Variants in NTRK1 observed in about 807,000 individuals in gnomAD.
NTRK1 encodes the protein high affinity nerve growth factor receptor.
In NTRK1, 62 loss-of-function variants were observed where a neutral mutation model predicts 86.8. That is an observed-to-expected ratio of 0.71 (90% confidence interval 0.58 to 0.88). NTRK1 has a LOEUF of 0.88. NTRK1 is among the 40% of genes least tolerant of loss of function. The pLI, the probability that NTRK1 is intolerant of heterozygous loss-of-function variation, is 0.00. For synonymous variants in NTRK1, 469 were observed against 456.6 expected, an observed-to-expected ratio of 1.03 and a Z score of -0.35; for missense variants, 967 against 1,078.4, an observed-to-expected ratio of 0.90 and a Z score of 1.45.
chr1:156,845,277 G>A (rs1654951561), intron 2 of NTRK1: 6 of 1,612,478 alleles, frequency 3.7e-6, no homozygotes, highest in Middle Eastern at 1.6e-4. Context: ...CCAGCTGCCC[G>A]GCGGTGCCGC....
At chr1:156,879,473 T>C (rs1648123499) in intron 15 of NTRK1, 111 bp downstream of exon 15, 1 of 1,395,376 alleles carries the variant, frequency 7.2e-7, no homozygotes, top group Non-Finnish European at 9.7e-7. Context: ...GGGTCTGAGA[T>C]TCACTGGCTC....
At chr1:156,875,070 C>A (rs1315786161) in intron 11 of NTRK1, 62 bp downstream of exon 11, 2 of 1,175,312 alleles carry the variant, frequency 1.7e-6, no homozygotes, top group Non-Finnish European at 2.6e-6. Flanking sequence ...TTCCTACTGG[C>A]TCTTCCTGAC....
At chr1:156,844,014 C>T (rs1411276436) in intron 2 of NTRK1, among the ~76,000 whole-genome samples, 1 of 152,000 alleles carries the variant, frequency 6.6e-6, no homozygotes, top group Non-Finnish European at 1.5e-5. Context: ...AGTTGGTCAC[C>T]CTAACTGAGA....
intron 1 of NTRK1, chr1:156,840,330 G>A: frequency 6.2e-6 from 1 of 161,924 alleles, no homozygotes; most frequent in Non-Finnish European, 1.4e-5. Context: ...GGGCAGGCTG[G>A]GAACCACTCC....
chr1:156,877,921 TGGA>T (rs2102922128), intron 14 of NTRK1, among the ~76,000 whole-genome samples: 1 of 152,170 alleles, frequency 6.6e-6, no homozygotes, highest in East Asian at 1.9e-4. Flanking sequence ...AGGTTGAGTG[TGGA>T]GGAGGATAGG....
chr1:156,815,818 G>A (rs1653850582), exon 1 of NTRK1: 1 of 1,614,142 alleles, frequency 6.2e-7, no homozygotes, highest in South Asian at 1.1e-5. Context: ...GAGTGAGTGG[G>A]CAACTCGGCG....
rs2102919832 is a variant in NTRK1, at chr1:156,876,525, C to T, written c.1758C>T (p.Leu586=). The change falls in exon 14 of 17, where the codon CTC becomes CTT. Residue 586 remains leucine (L), a synonymous_variant. Transcript: ENST00000524377. ...FGVCTEGRPL[L]MVFEYMRHGD... is the part of the protein sequence containing the mutation. ...TCTGCACCGAGGGCCGCCCCCTGCTCATGGTCTTTGAGTATATGCGGCACG... is the reference window on the plus strand; with the variant it reads ...TCTGCACCGAGGGCCGCCCCCTGCTTATGGTCTTTGAGTATATGCGGCACG... 6 of 1,613,562 alleles carry T rather than the reference C, an allele frequency of 3.7e-6. No individual in the cohort carries two copies. Among genetic ancestry groups the T allele is most frequent in the Non-Finnish European group, 4.2e-6 (5 of 1,179,996 alleles).
chr1:156,872,455 T>C (rs1291592251), intron 7 of NTRK1, among the ~76,000 whole-genome samples: 2 of 152,160 alleles, frequency 1.3e-5, no homozygotes, highest in Non-Finnish European at 2.9e-5. Flanking sequence ...AATGGAATCA[T>C]ACTGCGTGTA....
In NTRK1 at chr1:156,881,679, T is replaced by C. The variant is rs777007163; in HGVS notation, c.*37T>C. 6.4e-7 allele frequency: 1 copy of C among 1,566,472 alleles called. No individual in the cohort carries two copies. The highest frequency in any genetic ancestry group is 8.7e-7 in the Non-Finnish European group (1 of 1,154,908). The stretch of plus-strand genomic sequence containing the variant: ...AGGGGCTGGGAGTGGTTAGCCGGAA[T>C]ACTGGGGCCTGCCCTCAGCATCCCC... On this transcript the variant is annotated 3_prime_UTR_variant, in exon 17 of 17. Coordinates refer to ENST00000524377, the MANE Select transcript of NTRK1 (RefSeq NM_002529.4).
chr1:156,856,134 A>G (rs1211079400), upstream of NTRK1, among the ~76,000 whole-genome samples: 3 of 152,130 alleles, frequency 2.0e-5, no homozygotes, highest in Non-Finnish European at 4.4e-5. Context: ...ACACTGGCTA[A>G]AATATAATTT....
intron 2 of NTRK1, chr1:156,844,467 C>G (rs772502532): frequency 6.2e-7 from 1 of 1,613,104 alleles, no homozygotes; most frequent in African/African-American, 1.3e-5. Flanking sequence ...TATACCTGGG[C>G]CAAGGATGTA....
intron 1 of NTRK1, chr1:156,841,993 G>A: frequency 6.4e-7 from 1 of 1,564,608 alleles, no homozygotes. Context: ...ACAGGGTGGG[G>A]GTGACTTGCC....
chr1:156,858,528 G>A, upstream of NTRK1: 1 of 1,612,104 alleles, frequency 6.2e-7, no homozygotes, highest in Non-Finnish European at 8.5e-7. Flanking sequence ...GCCAGTTCTG[G>A]GGACTCACCC....
At chr1:156,830,642 C>T (rs1024394068) in intron 1 of NTRK1, among the ~76,000 whole-genome samples, 6 of 151,456 alleles carry the variant, frequency 4.0e-5, no homozygotes, top group East Asian at 1.9e-4. Flanking sequence ...CTGCAACCTC[C>T]GCCTCCAGTT....
In NTRK1 at chr1:156,868,189, G is replaced by A. The variant is rs267598081; in HGVS notation, c.514G>A (p.Glu172Lys). The A allele has an allele frequency of 1.2e-6, 2 of 1,613,530 alleles. No homozygotes were observed. The highest frequency in any genetic ancestry group is 1.3e-5 in the African/African-American group (1 of 75,074). The change falls in exon 5 of 17, where the codon GAA becomes AAA. Residue 172 changes from glutamate to lysine, a missense_variant. By Grantham distance (56) the Glu-to-Lys change is moderately conservative (BLOSUM62 1). This residue lies in a region of NTRK1 where 330 missense variants were observed against 302.0 expected (regional missense o/e 1.09). Transcript: ENST00000524377. ...WEEEGLGGVP[E>K]QKLQCHGQGP... is the part of the protein sequence containing the mutation. ...GGAGGAGGGACTGGGCGGAGTGCCT[G>A]AACAGAAGCTGCAGTGTCATGGGCA...
At chr1:156,857,157 C>CTGTGTGTG (rs1327364524), upstream of NTRK1, among the ~76,000 whole-genome samples, 1 of 121,286 alleles carries the variant, frequency 8.2e-6, no homozygotes, top group African/African-American at 3.3e-5. Context: ...TGCCCAGCAG[C>CTGTGTGTG]TGTGTATGTG....
At chr1:156,870,438 C>G (rs1290773883) in intron 6 of NTRK1, among the ~76,000 whole-genome samples, 1 of 152,120 alleles carries the variant, frequency 6.6e-6, no homozygotes, top group Non-Finnish European at 1.5e-5. Flanking sequence ...GCTGCTCTCC[C>G]TCAGTTAGGA....
At position 156,844,675 on chromosome 1, in the gene NTRK1, G is replaced by A. The variant is rs771901290; in HGVS notation, c.50+2482G>A. On this transcript the variant is annotated intron_variant, in intron 2 of 16. Coordinates refer to the NTRK1 transcript ENST00000392302. ...TGGGAAGGCGATGTAGGCACAAAACGGGGCTGGGACGGGGGTCCCACGGGC... is the reference window on the plus strand; with the variant it reads ...TGGGAAGGCGATGTAGGCACAAAACAGGGCTGGGACGGGGGTCCCACGGGC... 10 of 1,613,984 alleles carry A rather than the reference G, an allele frequency of 6.2e-6. No homozygotes were observed. In the South Asian group the frequency reaches 6.6e-5, roughly 11 times the overall value.
Position 156,868,101 on chromosome 1 carries a change from C to A in NTRK1, c.429-3C>A. ...CTCTGTTGGTGTCCCCCATGCCCCCCAGGGTCCTGTCGGGGAACCCTCTGC... is the reference window on the plus strand; with the variant it reads ...CTCTGTTGGTGTCCCCCATGCCCCCAAGGGTCCTGTCGGGGAACCCTCTGC... On this transcript the variant is annotated splice_region_variant and splice_polypyrimidine_tract_variant and intron_variant, in intron 4 of 16. Coordinates refer to ENST00000524377, the MANE Select transcript of NTRK1 (RefSeq NM_002529.4). The A allele has an allele frequency of 6.2e-7, 1 of 1,613,894 alleles. No individual in the cohort carries two copies.
Sources: allele counts gnomAD v4.1 joint callset (sites outside exome capture counted in the v4.1 genomes callset), GRCh38; gene constraint gnomAD v4.1.1; regional missense constraint gnomAD v4.1.1; transcripts MANE v1.5; gene names NCBI Gene and HGNC (gene_info 2026-07-23, HGNC 2026-07-21).